The following MRTFA variants were observed in gnomAD, a reference collection of about 807,000 sequenced individuals.
MRTFA encodes myocardin related transcription factor A.
Under a neutral mutation model 83.5 loss-of-function variants are expected in MRTFA, and 20 were observed. That is an observed-to-expected ratio of 0.24 (90% CI 0.17 to 0.35). MRTFA has a LOEUF of 0.35. Among genes scored for constraint, MRTFA ranks in the 10% least tolerant of loss-of-function variants. The pLI, the probability that MRTFA is intolerant of heterozygous loss-of-function variation, is 1.00. For missense variants in MRTFA, 1,200 were observed against 1,224.7 expected (o/e 0.98, Z 0.30); for synonymous variants, 659 against 541.2 (o/e 1.22, Z -3.02).
intron 2 of MRTFA, among the ~76,000 whole-genome samples, chr22:40,578,757 CA>C (rs955690456): frequency 6.6e-6 from 1 of 151,372 alleles, no homozygotes; most frequent in African/African-American, 2.4e-5. Context: ...CCAGCTCTAC[CA>C]AAAAAAATGC....
At chr22:40,474,724 G>T (rs2053964445) in intron 3 of MRTFA, among the ~76,000 whole-genome samples, 1 of 152,186 alleles carries the variant, frequency 6.6e-6, no homozygotes. Flanking sequence ...TTTCATGAGG[G>T]AAACATACAT....
At chr22:40,445,962 G>A (rs2053369990) in intron 4 of MRTFA, among the ~76,000 whole-genome samples, 1 of 152,200 alleles carries the variant, frequency 6.6e-6, no homozygotes, top group African/African-American at 2.4e-5. Flanking sequence ...TATCTAAGCT[G>A]TTTGTCTTGC....
intron 3 of MRTFA, among the ~76,000 whole-genome samples, chr22:40,549,838 G>A (rs2055418313): frequency 6.6e-6 from 1 of 152,148 alleles, no homozygotes. Context: ...GATCACCTGA[G>A]GCCAGGAGTT....
At chr22:40,487,950 G>A (rs1833086639) in intron 3 of MRTFA, among the ~76,000 whole-genome samples, 1 of 152,076 alleles carries the variant, frequency 6.6e-6, no homozygotes, top group African/African-American at 2.4e-5. Flanking sequence ...TGCTTTGCTA[G>A]ACACCGTGGA....
At chr22:40,602,294 C>G (rs996334108) in intron 1 of MRTFA, among the ~76,000 whole-genome samples, 3 of 152,070 alleles carry the variant, frequency 2.0e-5, no homozygotes, top group Admixed American at 6.5e-5. Flanking sequence ...TGACAAAATC[C>G]CTATTCAAGT....
chr22:40,442,507 TTCCA>T (rs1378557796), intron 4 of MRTFA, among the ~76,000 whole-genome samples: 1 of 152,144 alleles, frequency 6.6e-6, no homozygotes, highest in African/African-American at 2.4e-5. Context: ...CTAGAAATAT[TTCCA>T]TCCATCCATC....
intron 3 of MRTFA, among the ~76,000 whole-genome samples, chr22:40,498,954 A>G (rs932982336): frequency 2.0e-5 from 3 of 152,202 alleles, no homozygotes; most frequent in African/African-American, 7.2e-5. Context: ...TCAATCAATC[A>G]ATAATCAGTG....
chr22:40,536,017 T>A (rs1348641788), intron 3 of MRTFA, among the ~76,000 whole-genome samples: 1 of 151,412 alleles, frequency 6.6e-6, no homozygotes, highest in Non-Finnish European at 1.5e-5. Flanking sequence ...TAAACAGTAA[T>A]CTTTAAAAAA....
chr22:40,502,201 G>A (rs1459271043), intron 3 of MRTFA, among the ~76,000 whole-genome samples: 11 of 141,926 alleles, frequency 7.8e-5, no homozygotes, highest in African/African-American at 2.1e-4. Context: ...GCTGCCGGGC[G>A]GAGACGCTCC....
At chr22:40,612,455 A>G (rs1216545686) in intron 1 of MRTFA, among the ~76,000 whole-genome samples, 1 of 152,046 alleles carries the variant, frequency 6.6e-6, no homozygotes, top group African/African-American at 2.4e-5. Context: ...TTAGCTGTTA[A>G]GAACTGGCTA....
Position 40,417,329 on chromosome 22 carries a change from C to T in MRTFA, c.2517+12G>A, listed in dbSNP as rs369030370. On this transcript the variant is annotated intron_variant, in intron 13 of 14. Transcript: ENST00000355630. ...CTGCCAACACTAGCCAGGCCTAGCC[C>T]GCCTTCCTCACCTGCTGTTTGGGCT... 8.1e-6 allele frequency: 13 copies of T among 1,609,000 alleles called. No homozygotes were observed. Among genetic ancestry groups the T allele is most frequent in the East Asian group, 4.5e-5 (2 of 44,828 alleles).
In MRTFA at chr22:40,484,108, T is replaced by C. The variant is rs868599596; in HGVS notation, c.242-20822A>G. Among the ~76,000 whole-genome samples, 14 of 151,536 alleles carry C rather than the reference T, an allele frequency of 9.2e-5. No individual in the cohort carries two copies. The South Asian group carries it at 2.9e-3, about 32-fold the overall frequency. ...GGTTATAGATAGATAGATAATTAGA[T>C]AGACAAACAATCTGAAGCTTATTCA... On this transcript the variant is annotated intron_variant, in intron 3 of 14. Coordinates refer to ENST00000355630, the MANE Select transcript of MRTFA (RefSeq NM_020831.6).
chr22:40,411,306 G>A lies in MRTFA; in HGVS notation c.*84C>T, dbSNP rs2052527045. The A allele has an allele frequency of 7.2e-7, 1 of 1,398,290 alleles. No individual in the cohort carries two copies. Among genetic ancestry groups the A allele is most frequent in the Non-Finnish European group, 9.7e-7 (1 of 1,034,170 alleles). The allele number at this position is 1,398,290 out of a possible 1,614,324, so 86.6% of individuals were successfully genotyped here. On this transcript the variant is annotated 3_prime_UTR_variant, in exon 15 of 15. Transcript: ENST00000355630. ...TGATTGTCAAGACTCACAACCATGT[G>A]GAGAGGCCGAATCACGCAGGAGAGC...
rs17001996 is a variant in MRTFA at position 40,506,340 on chromosome 22, G to A, written c.242-43054C>T. ...TCTTGAATGTGATCTGCTTCCCACTGTAGTGAACTTCCCCACAAAAATGAT... is the reference window on the plus strand; with the variant it reads ...TCTTGAATGTGATCTGCTTCCCACTATAGTGAACTTCCCCACAAAAATGAT... On this transcript the variant is annotated intron_variant, in intron 3 of 14. Coordinates refer to ENST00000355630, the MANE Select transcript of MRTFA (RefSeq NM_020831.6). Among the ~76,000 whole-genome samples the A allele has an allele frequency of 6.8e-3, 1,037 of 152,266 alleles. 11 individuals are homozygous for A. The highest frequency in any genetic ancestry group is 0.024 in the African/African-American group (999 of 41,550).
At chr22:40,428,877 C>G (rs1454369965) in intron 7 of MRTFA, among the ~76,000 whole-genome samples, 1 of 152,152 alleles carries the variant, frequency 6.6e-6, no homozygotes, top group Admixed American at 6.5e-5. Flanking sequence ...CTGCCTGGAG[C>G]ACCGTCCTCT....
intron 9 of MRTFA, among the ~76,000 whole-genome samples, chr22:40,421,762 C>T (rs891951628): frequency 2.0e-5 from 3 of 152,068 alleles, no homozygotes; most frequent in African/African-American, 4.8e-5. Context: ...CAAGGAAGGG[C>T]GCAGTTGGAC....
In MRTFA at chr22:40,411,340, G is replaced by A. The variant is rs1189039831; in HGVS notation, c.*50C>T. The A allele has an allele frequency of 9.9e-6, 15 of 1,509,846 alleles. No individual in the cohort carries two copies. Among genetic ancestry groups the A allele is most frequent in the Non-Finnish European group, 1.3e-5 (15 of 1,121,300 alleles). 93.5% of individuals were successfully genotyped at this position (1,509,846 alleles called of 1,614,324 possible). A position where few individuals can be genotyped will look rare whatever the true frequency, so the allele number is the denominator to read the frequency against. ...GAATCACGCAGGAGAGCCACGCATT[G>A]GAGTACCCTGGCTCCCAGCCCCTTC... On this transcript the variant is annotated 3_prime_UTR_variant, in exon 15 of 15. Coordinates refer to ENST00000355630, the MANE Select transcript of MRTFA (RefSeq NM_020831.6).
intron 3 of MRTFA, among the ~76,000 whole-genome samples, chr22:40,468,503 AG>A (rs2053847176): frequency 6.6e-6 from 1 of 152,214 alleles, no homozygotes; most frequent in Non-Finnish European, 1.5e-5. Context: ...AGTCCTCTCA[AG>A]GAAGATTCTC....
intron 3 of MRTFA, among the ~76,000 whole-genome samples, chr22:40,549,571 G>C (rs2055414521): frequency 6.6e-6 from 1 of 152,184 alleles, no homozygotes; most frequent in Non-Finnish European, 1.5e-5. Flanking sequence ...AGTATTGATT[G>C]GGAAGAAGCA....
Sources: allele counts gnomAD v4.1 joint callset (sites outside exome capture counted in the v4.1 genomes callset), GRCh38; gene constraint gnomAD v4.1.1; transcripts MANE v1.5; gene names NCBI Gene and HGNC (gene_info 2026-07-23, HGNC 2026-07-21).